DIAPH2: variants seen among roughly 807,000 people sequenced by gnomAD.
The protein encoded by DIAPH2 is protein diaphanous homolog 2.
A neutral mutation model predicts 92.7 loss-of-function variants in DIAPH2; 35 were observed. The observed-to-expected ratio is 0.38, with a 90% CI of 0.29 to 0.50. The LOEUF is 0.50. Ranked by LOEUF, DIAPH2 falls within the 20% of genes least tolerant of loss-of-function variation. The probability of loss-of-function intolerance (pLI) is 0.94; values close to 1 mark genes in which losing one functional copy is unlikely to be tolerated. For missense variants in DIAPH2, 701 were observed against 819.5 expected, an observed-to-expected ratio of 0.86 and a Z score of 1.77; for synonymous variants, 301 against 280.4, an observed-to-expected ratio of 1.07 and a Z score of -0.73.
intron 26 of DIAPH2, among the ~76,000 whole-genome samples, chrX:97,542,098 T>C (rs1018233959): frequency 1.8e-5 from 2 of 112,556 alleles, no homozygotes; most frequent in Non-Finnish European, 3.8e-5. Flanking sequence ...AAGCACTGTG[T>C]AGGCCTAACT....
chrX:96,751,825 T>G (rs1465582839), intron 3 of DIAPH2, among the ~76,000 whole-genome samples: 1 of 97,091 alleles, frequency 1.0e-5, no homozygotes, highest in African/African-American at 3.6e-5. Context: ...GGCTAATTTT[T>G]TGTATTTTTA....
intron 4 of DIAPH2, among the ~76,000 whole-genome samples, chrX:96,805,232 T>C (rs6620170): frequency 1.0e-5 from 1 of 96,004 alleles, no homozygotes; most frequent in Non-Finnish European, 2.1e-5. Context: ...TACACACACA[T>C]ATATATACAC....
chrX:96,771,444 T>C (rs1019259722), intron 4 of DIAPH2, among the ~76,000 whole-genome samples: 1 of 111,759 alleles, frequency 8.9e-6, no homozygotes, highest in African/African-American at 3.2e-5. Context: ...TTAAGACTAG[T>C]ATAGCCATTA....
At chrX:97,505,190 T>A (rs2070823993) in intron 26 of DIAPH2, among the ~76,000 whole-genome samples, 1 of 112,494 alleles carries the variant, frequency 8.9e-6, no homozygotes, top group South Asian at 3.7e-4. Context: ...CTTCTGTGAC[T>A]GATGCTGCCC....
At chrX:97,102,479 G>A (rs1477594628) in intron 20 of DIAPH2, among the ~76,000 whole-genome samples, 1 of 111,646 alleles carries the variant, frequency 9.0e-6, no homozygotes, top group Non-Finnish European at 1.9e-5. Flanking sequence ...AAAAAGAGGA[G>A]CTCCATTATC....
At chrX:97,276,086 C>G (rs901302828) in intron 23 of DIAPH2, among the ~76,000 whole-genome samples, 1 of 112,349 alleles carries the variant, frequency 8.9e-6, no homozygotes, top group African/African-American at 3.2e-5. Context: ...ACCAGCCCGG[C>G]CAACACAGCG....
intron 17 of DIAPH2, among the ~76,000 whole-genome samples, chrX:97,062,346 T>C (rs943830140): frequency 1.8e-5 from 2 of 112,080 alleles, no homozygotes; most frequent in African/African-American, 6.5e-5. Context: ...AGTGTTGTGT[T>C]ATGTACTACA....
At chrX:96,733,708 T>G (rs6615850) in intron 1 of DIAPH2, among the ~76,000 whole-genome samples, 1 of 110,790 alleles carries the variant, frequency 9.0e-6, no homozygotes, top group Admixed American at 9.6e-5. Flanking sequence ...GATTAGGAAG[T>G]CACTACAGAA....
At chrX:96,844,294 A>G (rs759979458) in intron 4 of DIAPH2, among the ~76,000 whole-genome samples, 1 of 112,787 alleles carries the variant, frequency 8.9e-6, no homozygotes, top group East Asian at 2.8e-4. Context: ...TTCACTATAC[A>G]TGCTAAATGA....
chrX:96,953,388 G>C (rs990286012), intron 15 of DIAPH2, among the ~76,000 whole-genome samples: 2 of 110,713 alleles, frequency 1.8e-5, no homozygotes, highest in Non-Finnish European at 3.8e-5. Context: ...ACCTCTCAAA[G>C]TTACCACAAC....
chrX:97,500,187 G>A (rs765689764), intron 26 of DIAPH2, among the ~76,000 whole-genome samples: 20 of 111,792 alleles, frequency 1.8e-4, no homozygotes, highest in African/African-American at 6.5e-4. Context: ...GGTGTTTACT[G>A]CTCATGGGTT....
At chrX:97,147,026 CAGTT>C (rs777250204) in intron 22 of DIAPH2, among the ~76,000 whole-genome samples, 1,269 of 110,663 alleles carry the variant, frequency 0.011, 6 homozygotes, top group Non-Finnish European at 0.019. Context: ...GTTTGTTATT[CAGTT>C]AGTTAGTGAC....
chrX:97,497,183 A>T (rs1379045112), intron 26 of DIAPH2, among the ~76,000 whole-genome samples: 1 of 111,652 alleles, frequency 9.0e-6, no homozygotes, highest in Non-Finnish European at 1.9e-5. Flanking sequence ...TCCCCTGAGT[A>T]TTACTGAAAG....
intron 26 of DIAPH2, among the ~76,000 whole-genome samples, chrX:97,467,653 A>G (rs1011157236): frequency 2.7e-5 from 3 of 112,080 alleles, no homozygotes; most frequent in Non-Finnish European, 5.6e-5. Context: ...AAAAAACTTT[A>G]AAATATTTTT....
chrX:97,115,021 G>C, intron 21 of DIAPH2, 56 bp downstream of exon 21: 1 of 1,050,509 alleles, frequency 9.5e-7, no homozygotes, highest in Non-Finnish European at 1.3e-6. Context: ...GTCTATGAAA[G>C]GTGATACTGC....
At chrX:96,884,359 G>T (rs751261961) in intron 5 of DIAPH2, 2 of 1,210,532 alleles carry the variant, frequency 1.7e-6, no homozygotes, top group Admixed American at 4.4e-5. Flanking sequence ...TGCTGCTGAT[G>T]GAGCGAGTGG....
intron 24 of DIAPH2, among the ~76,000 whole-genome samples, chrX:97,361,700 T>G (rs1164367240): frequency 8.9e-6 from 1 of 112,253 alleles, no homozygotes; most frequent in Non-Finnish European, 1.9e-5. Context: ...TGTTGGCTCT[T>G]GGTTGCACAA....
chrX:97,490,065 G>A (rs915248760), intron 26 of DIAPH2, among the ~76,000 whole-genome samples: 10 of 111,047 alleles, frequency 9.0e-5, no homozygotes, highest in Middle Eastern at 4.7e-3. Flanking sequence ...TTTTGCAGAG[G>A]GTTTTGATTA....
intron 1 of DIAPH2, among the ~76,000 whole-genome samples, chrX:96,705,274 C>T (rs1016111363): frequency 1.8e-5 from 2 of 111,434 alleles, no homozygotes; most frequent in African/African-American, 3.3e-5. Context: ...TGGCCAAAAC[C>T]GAGTTTTGAG....
Sources: allele counts gnomAD v4.1 joint callset (sites outside exome capture counted in the v4.1 genomes callset), GRCh38; gene constraint gnomAD v4.1.1; transcripts MANE v1.5; gene names NCBI Gene and HGNC (gene_info 2026-07-23, HGNC 2026-07-21).